TBX20: variants seen among roughly 807,000 people sequenced by gnomAD.
The protein encoded by TBX20 is T-box transcription factor 20, also known as T-box transcription factor TBX20.
In TBX20, 8 loss-of-function variants were observed where a neutral mutation model predicts 42.9. That is an observed-to-expected ratio of 0.19 (90% CI 0.11 to 0.34). The LOEUF (loss-of-function observed/expected upper bound fraction) is 0.34. Ranked by LOEUF, TBX20 falls within the 10% of genes least tolerant of loss-of-function variation. TBX20 has a pLI of 1.00. For missense variants in TBX20, 411 were observed against 566.0 expected (o/e 0.73, Z 2.78); for synonymous variants, 198 against 222.8 (o/e 0.89, Z 0.99).
At chr7:35,234,518 A>T (rs1325172977) in intron 5 of TBX20, among the ~76,000 whole-genome samples, 5 of 152,340 alleles carry the variant, frequency 3.3e-5, no homozygotes, top group African/African-American at 1.2e-4. Flanking sequence ...ATTTTCTCTC[A>T]TTATGAGAAT....
At chr7:35,213,891 A>C (rs915854709) in intron 6 of TBX20, among the ~76,000 whole-genome samples, 10 of 150,808 alleles carry the variant, frequency 6.6e-5, no homozygotes, top group Non-Finnish European at 1.3e-4. Context: ...AAAAAAAAAA[A>C]AAAAAAAAAA....
Position 35,253,652 on chromosome 7 carries a change from G to A in TBX20, c.-32C>T. 1.9e-6 allele frequency: 3 copies of A among 1,603,636 alleles called. No homozygotes were observed. Among genetic ancestry groups the A allele is most frequent in the Non-Finnish European group, 2.6e-6 (3 of 1,175,934 alleles). On this transcript the variant is annotated 5_prime_UTR_variant, in exon 1 of 8. Coordinates refer to ENST00000408931, the MANE Select transcript of TBX20 (RefSeq NM_001077653.2). Reference sequence around the variant, plus strand: ...CAGCACGCGGTCCTGGCCAGGGACGGGGTCGTCCGAACTGCCGTCCAGATT... The same window carrying A: ...CAGCACGCGGTCCTGGCCAGGGACGAGGTCGTCCGAACTGCCGTCCAGATT...
intron 6 of TBX20, among the ~76,000 whole-genome samples, chr7:35,205,201 AT>A (rs1291356438): frequency 3.3e-5 from 5 of 152,156 alleles, no homozygotes; most frequent in Non-Finnish European, 7.3e-5. Context: ...GAAAACACAA[AT>A]GACCAATAAG....
At chr7:35,244,869 G>A in intron 4 of TBX20, 80 bp downstream of exon 4, 1 of 968,148 alleles carries the variant, frequency 1.0e-6, no homozygotes, top group Admixed American at 1.7e-5. Flanking sequence ...AAGGCAGGAA[G>A]GGACTCAGAG....
At chr7:35,253,192 T>C (rs1790338195) in intron 1 of TBX20, among the ~76,000 whole-genome samples, 1 of 152,246 alleles carries the variant, frequency 6.6e-6, no homozygotes, top group Admixed American at 6.5e-5. Flanking sequence ...GGTTTTATTA[T>C]TATTTTTCCA....
At chr7:35,213,858 C>A (rs1462794405) in intron 6 of TBX20, among the ~76,000 whole-genome samples, 7 of 88,072 alleles carry the variant, frequency 7.9e-5, no homozygotes, top group Non-Finnish European at 1.0e-4. Flanking sequence ...CTACTATGAA[C>A]AAGGAATTGC....
At chr7:35,234,545 C>G (rs1361707064) in intron 5 of TBX20, among the ~76,000 whole-genome samples, 1 of 152,198 alleles carries the variant, frequency 6.6e-6, no homozygotes, top group Non-Finnish European at 1.5e-5. Context: ...CTGCTAATAT[C>G]ATTTTAATCC....
At chr7:35,227,416 G>C (rs1336093542) in intron 6 of TBX20, among the ~76,000 whole-genome samples, 6 of 152,076 alleles carry the variant, frequency 3.9e-5, no homozygotes, top group Non-Finnish European at 7.4e-5. Flanking sequence ...CATTCACGGT[G>C]AGTGCCTTAT....
Position 35,253,486 on chromosome 7 carries a change from C to T in TBX20, c.127+8G>A. Reference sequence around the variant, plus strand: ...GTCCTCGGCGGACAGCCGGGTAGCCCAACTTACCCAGGGGTTTGATTGTGT... The same window carrying T: ...GTCCTCGGCGGACAGCCGGGTAGCCTAACTTACCCAGGGGTTTGATTGTGT... On this transcript the variant is annotated splice_region_variant and intron_variant, in intron 1 of 7. Coordinates refer to ENST00000408931, the MANE Select transcript of TBX20 (RefSeq NM_001077653.2). 1 of 1,608,700 alleles carries T rather than the reference C, an allele frequency of 6.2e-7. No individual in the cohort carries two copies.
chr7:35,242,634 C>A (rs1414215130), intron 4 of TBX20, among the ~76,000 whole-genome samples: 2 of 152,146 alleles, frequency 1.3e-5, no homozygotes, highest in Non-Finnish European at 2.9e-5. Flanking sequence ...CTGCTTCTTT[C>A]CCCACTTCTA....
At position 35,204,538 on chromosome 7, in the gene TBX20, G is replaced by A; in HGVS notation, c.935C>T (p.Ser312Leu). 1 of 1,614,120 alleles carries A rather than the reference G, an allele frequency of 6.2e-7. No homozygotes were observed. The highest frequency in any genetic ancestry group is 8.5e-7 in the Non-Finnish European group (1 of 1,179,996). ...SLIQKHSYAR[S>L]PIRTYGGEED... Reference sequence around the variant, plus strand: ...TTCTCCTCCGTAGGTACGGATGGGTGAGCGTGCATAGGAATGCTTTTGAAT... The same window carrying A: ...TTCTCCTCCGTAGGTACGGATGGGTAAGCGTGCATAGGAATGCTTTTGAAT... The change falls in exon 7 of 8, where the codon TCA becomes TTA. Residue 312 changes from serine to leucine, a missense_variant. This residue lies in a region of TBX20 where 162 missense variants were observed against 205.4 expected (regional missense o/e 0.79). Coordinates refer to ENST00000408931, the MANE Select transcript of TBX20 (RefSeq NM_001077653.2).
chr7:35,236,922 T>C (rs1273906233), intron 5 of TBX20, among the ~76,000 whole-genome samples: 2 of 49,708 alleles, frequency 4.0e-5, no homozygotes, highest in South Asian at 1.0e-3. Context: ...ATTTATGATA[T>C]TAATTAGAAA....
At chr7:35,204,939 T>A (rs1789376042) in intron 6 of TBX20, among the ~76,000 whole-genome samples, 2 of 152,184 alleles carry the variant, frequency 1.3e-5, no homozygotes, top group South Asian at 4.1e-4. Flanking sequence ...TGCAAGGAGC[T>A]GCAATGACTC....
chr7:35,215,757 G>T (rs992195185), intron 6 of TBX20, among the ~76,000 whole-genome samples: 1 of 151,952 alleles, frequency 6.6e-6, no homozygotes, highest in East Asian at 1.9e-4. Flanking sequence ...TTCAGAAATG[G>T]TACACACGTC....
chr7:35,223,836 TG>T (rs1789724441), intron 6 of TBX20, among the ~76,000 whole-genome samples: 1 of 152,188 alleles, frequency 6.6e-6, no homozygotes, highest in Admixed American at 6.5e-5. Flanking sequence ...AGCAGAGAAC[TG>T]GGAAAGTCAG....
rs59548164 is a variant in TBX20 at position 35,213,877 on chromosome 7, C to CAAAAAAAAAAAAAAA, written c.891-9310_891-9296dup. ...TATGAACAAGGAATTGCAGAGATAG[C>CAAAAAAAAAAAAAAA]AAAAAAAAAAAAAAAAAAAAAAAAT... On this transcript the variant is annotated intron_variant, in intron 6 of 7. Coordinates refer to ENST00000408931, the MANE Select transcript of TBX20 (RefSeq NM_001077653.2). Among the ~76,000 whole-genome samples the CAAAAAAAAAAAAAAA allele has an allele frequency of 3.0e-4, 18 of 59,768 alleles. 1 individual carries two copies. Among genetic ancestry groups the CAAAAAAAAAAAAAAA allele is most frequent in the African/African-American group, 8.8e-4 (13 of 14,782 alleles). 39.2% of individuals were successfully genotyped at this position (59,768 alleles called of 152,430 possible). A position where few individuals can be genotyped will look rare whatever the true frequency, so the allele number is the denominator to read the frequency against.
In TBX20 at chr7:35,249,122, A is replaced by G. The variant is rs1351129047; in HGVS notation, c.381-281T>C. ...GGGGGTGGGGGTATGTGTTAACTCC[A>G]GAAGGTCTGTGATTAGGGAAAATCC... On this transcript the variant is annotated intron_variant, in intron 2 of 7. Transcript: ENST00000408931. This position sits in a 1 kb window ranked among gnomAD's most constrained non-coding sequence, Gnocchi z 4.3. 6.6e-6 allele frequency among the ~76,000 whole-genome samples: 1 copy of G among 152,176 alleles called. No homozygotes were observed. The highest frequency in any genetic ancestry group is 1.5e-5 in the Non-Finnish European group (1 of 68,028).
At position 35,217,497 on chromosome 7, in the gene TBX20, G is replaced by A. The variant is rs536328845; in HGVS notation, c.891-12915C>T. ...TCTACTCCATCAGACTCACTGGTCCGGCACTTCCAGTTCATACGGTTTTAT... is the reference window on the plus strand; with the variant it reads ...TCTACTCCATCAGACTCACTGGTCCAGCACTTCCAGTTCATACGGTTTTAT... On this transcript the variant is annotated intron_variant, in intron 6 of 7. Coordinates refer to ENST00000408931, the MANE Select transcript of TBX20 (RefSeq NM_001077653.2). Among the ~76,000 whole-genome samples, 205 of 152,174 alleles carry A rather than the reference G, an allele frequency of 1.3e-3. 1 individual carries two copies. Among genetic ancestry groups the A allele is most frequent in the Non-Finnish European group, 2.1e-3 (141 of 68,010 alleles).
At chr7:35,243,290 A>G (rs1255381191) in intron 4 of TBX20, among the ~76,000 whole-genome samples, 2 of 152,146 alleles carry the variant, frequency 1.3e-5, no homozygotes, top group Admixed American at 1.3e-4. Flanking sequence ...TGGCCAGTAT[A>G]AAAGTTTTAA....
Sources: allele counts gnomAD v4.1 joint callset (sites outside exome capture counted in the v4.1 genomes callset), GRCh38; gene constraint gnomAD v4.1.1; regional missense constraint gnomAD v4.1.1; non-coding constraint Gnocchi (gnomAD v3.1); transcripts MANE v1.5; gene names NCBI Gene and HGNC (gene_info 2026-07-23, HGNC 2026-07-21).